CTNNA2: variants seen among roughly 807,000 people sequenced by gnomAD.
The protein encoded by CTNNA2 is catenin alpha 2.
In CTNNA2, 42 loss-of-function variants were observed where a neutral mutation model predicts 101.0. The ratio of observed to expected loss-of-function variants is 0.42; its 90% CI spans 0.32 to 0.54. The LOEUF (loss-of-function observed/expected upper bound fraction) is 0.54, where lower values mean the gene tolerates loss of function less well. Ranked by LOEUF, CTNNA2 falls within the 20% of genes least tolerant of loss-of-function variation. The pLI is 0.14. For synonymous variants in CTNNA2, 450 were observed against 456.4 expected, an observed-to-expected ratio of 0.99 and a Z score of 0.18; for missense variants, 871 against 1,223.1, an observed-to-expected ratio of 0.71 and a Z score of 4.29.
intron 2 of CTNNA2, among the ~76,000 whole-genome samples, chr2:79,679,015 G>A (rs1240736352): frequency 6.6e-6 from 1 of 152,038 alleles, no homozygotes; most frequent in East Asian, 1.9e-4. Context: ...TAGCTCAGTT[G>A]TATTTATCTC....
At chr2:80,315,326 T>C (rs534213193) in intron 7 of CTNNA2, among the ~76,000 whole-genome samples, 12 of 152,322 alleles carry the variant, frequency 7.9e-5, no homozygotes, top group African/African-American at 2.9e-4. Flanking sequence ...TTATTTAGTT[T>C]CTGGCAATAT....
chr2:79,331,020 G>A (rs529485143), intron 3 of CTNNA2, among the ~76,000 whole-genome samples: 15 of 152,262 alleles, frequency 9.9e-5, no homozygotes, highest in South Asian at 2.1e-4. Context: ...GGCTCACCCC[G>A]TTAGGAATTA....
At chr2:80,569,592 T>G (rs1484891498) in intron 12 of CTNNA2, among the ~76,000 whole-genome samples, 2 of 151,144 alleles carry the variant, frequency 1.3e-5, no homozygotes, top group Non-Finnish European at 2.9e-5. Flanking sequence ...TGAGGAAGTT[T>G]GAAACTTTTT....
Position 79,767,158 on chromosome 2 carries a change from A to G in CTNNA2, c.298+22576A>G, listed in dbSNP as rs552862632. Among the ~76,000 whole-genome samples, 8 of 152,068 alleles carry G rather than the reference A, an allele frequency of 5.3e-5. 1 individual carries two copies. The South Asian group carries it at 1.0e-3, about 20-fold the overall frequency. On this transcript the variant is annotated intron_variant, in intron 3 of 18. Transcript: ENST00000402739. ...CTCTAATGCATTCTTCAGTATGCCAATTGCATTTTTTGGCTCCCTAATTAC... is the reference window on the plus strand; with the variant it reads ...CTCTAATGCATTCTTCAGTATGCCAGTTGCATTTTTTGGCTCCCTAATTAC...
chr2:79,874,577 T>G (rs944600489), intron 6 of CTNNA2, among the ~76,000 whole-genome samples: 3 of 152,128 alleles, frequency 2.0e-5, no homozygotes, highest in African/African-American at 7.2e-5. Flanking sequence ...TCCCAGAACT[T>G]TGGGAGGCCG....
At chr2:80,552,242 A>C (rs1318773857) in intron 11 of CTNNA2, among the ~76,000 whole-genome samples, 1 of 152,212 alleles carries the variant, frequency 6.6e-6, no homozygotes, top group East Asian at 1.9e-4. Flanking sequence ...ATACAGAGAC[A>C]GGAAATGAGC....
intron 3 of CTNNA2, among the ~76,000 whole-genome samples, chr2:79,831,919 G>A (rs966314284): frequency 2.0e-5 from 3 of 151,354 alleles, no homozygotes; most frequent in African/African-American, 7.3e-5. Flanking sequence ...CATTTTGTTG[G>A]GTTTTTTATT....
At chr2:80,160,354 C>A (rs901767623) in intron 7 of CTNNA2, among the ~76,000 whole-genome samples, 2 of 152,030 alleles carry the variant, frequency 1.3e-5, no homozygotes, top group African/African-American at 4.8e-5. Context: ...TTGGATTTTG[C>A]TAGAAATCGT....
At chr2:80,581,589 A>T (rs1462046618) in intron 13 of CTNNA2, 117 bp from the exon 14 acceptor site, 2 of 673,024 alleles carry the variant, frequency 3.0e-6, no homozygotes, top group African/African-American at 1.8e-5. Flanking sequence ...TGTGGGTGCT[A>T]TGTAGGATGC....
intron 7 of CTNNA2, among the ~76,000 whole-genome samples, chr2:80,213,737 G>C (rs1480970062): frequency 6.6e-6 from 1 of 152,088 alleles, no homozygotes; most frequent in Non-Finnish European, 1.5e-5. Context: ...GGTCTGCTTG[G>C]TGCAGAGCTG....
chr2:80,176,985 A>G (rs963719737), intron 7 of CTNNA2, among the ~76,000 whole-genome samples: 1 of 152,266 alleles, frequency 6.6e-6, no homozygotes, highest in African/African-American at 2.4e-5. Flanking sequence ...ACAGTACCAT[A>G]TATTGGATGC....
intron 7 of CTNNA2, among the ~76,000 whole-genome samples, chr2:79,978,888 C>A (rs748362146): frequency 4.6e-5 from 7 of 152,138 alleles, no homozygotes; most frequent in Non-Finnish European, 8.8e-5. Flanking sequence ...ACCCTGCCAG[C>A]AATGCTCTAT....
intron 2 of CTNNA2, among the ~76,000 whole-genome samples, chr2:79,727,701 A>G (rs942018985): frequency 6.8e-6 from 1 of 147,392 alleles, no homozygotes; most frequent in African/African-American, 2.5e-5. Flanking sequence ...AGCATTAGGT[A>G]TATCTCCTAA....
At chr2:79,287,697 T>G (rs1402226941) in intron 2 of CTNNA2, among the ~76,000 whole-genome samples, 1 of 152,028 alleles carries the variant, frequency 6.6e-6, no homozygotes, top group Non-Finnish European at 1.5e-5. Flanking sequence ...ACTGCTGTCT[T>G]TTTGTTTGTC....
At chr2:79,275,861 G>T (rs1675198486) in intron 2 of CTNNA2, among the ~76,000 whole-genome samples, 1 of 151,894 alleles carries the variant, frequency 6.6e-6, no homozygotes, top group Non-Finnish European at 1.5e-5. Flanking sequence ...GAGGGGAGGG[G>T]CAGACATCAA....
At chr2:80,123,645 C>A (rs1701968448) in intron 7 of CTNNA2, among the ~76,000 whole-genome samples, 3 of 152,234 alleles carry the variant, frequency 2.0e-5, no homozygotes, top group South Asian at 4.2e-4. Context: ...AGTATGTATT[C>A]CCTTGCCCTG....
chr2:80,611,340 A>G (rs764620367), intron 17 of CTNNA2, among the ~76,000 whole-genome samples: 20 of 150,946 alleles, frequency 1.3e-4, no homozygotes, highest in Non-Finnish European at 2.4e-4. Flanking sequence ...GAAGAGGCAT[A>G]AAAGAAGAAG....
At chr2:80,183,353 C>T (rs1335066431) in intron 7 of CTNNA2, among the ~76,000 whole-genome samples, 1 of 152,140 alleles carries the variant, frequency 6.6e-6, no homozygotes, top group African/African-American at 2.4e-5. Context: ...ATACCTGGTA[C>T]TTATTTTACT....
chr2:80,188,192 T>G (rs572169563), intron 7 of CTNNA2, among the ~76,000 whole-genome samples: 1 of 152,372 alleles, frequency 6.6e-6, no homozygotes, highest in Non-Finnish European at 1.5e-5. Context: ...ATCAGTCACA[T>G]GTATCCTTCT....
Sources: gnomAD v4.1 joint callset for allele counts (sites outside exome capture counted in the v4.1 genomes callset) on GRCh38, gnomAD v4.1.1 for gene constraint, MANE v1.5 for transcripts, NCBI Gene and HGNC (gene_info 2026-07-23, HGNC 2026-07-21) for gene names.